CDHR3: variants seen among roughly 807,000 people sequenced by gnomAD.
The protein encoded by CDHR3 is cadherin related family member 3.
Under a neutral mutation model 86.6 loss-of-function variants are expected in CDHR3, and 79 were observed. The observed-to-expected ratio is 0.91, with a 90% CI of 0.76 to 1.10. The LOEUF (loss-of-function observed/expected upper bound fraction) is 1.10, where lower values mean the gene tolerates loss of function less well. Among genes scored for constraint, CDHR3 ranks in the 50% least tolerant of loss-of-function variants. The pLI is 0.00. For synonymous variants in CDHR3, 421 were observed against 402.4 expected, an observed-to-expected ratio of 1.05 and a Z score of -0.55; for missense variants, 1,081 against 1,077.6, an observed-to-expected ratio of 1.00 and a Z score of -0.04.
At chr7:105,995,092 A>C (rs1305309622) in intron 5 of CDHR3, among the ~76,000 whole-genome samples, 9 of 152,228 alleles carry the variant, frequency 5.9e-5, no homozygotes, top group African/African-American at 1.9e-4. Context: ...CAAGTACAAG[A>C]GTGTCATGAG....
chr7:106,007,765 CTG>C (rs927490792), intron 8 of CDHR3, among the ~76,000 whole-genome samples: 2 of 152,208 alleles, frequency 1.3e-5, no homozygotes, highest in African/African-American at 4.8e-5. Flanking sequence ...GCCCACCAAA[CTG>C]TTCCAACCCC....
intron 16 of CDHR3, among the ~76,000 whole-genome samples, chr7:106,028,238 ATCTT>A (rs1250973701): frequency 1.3e-5 from 2 of 152,180 alleles, no homozygotes; most frequent in Non-Finnish European, 2.9e-5. Context: ...ATCCAATCCC[ATCTT>A]TCTTTCTTAT....
intron 4 of CDHR3, among the ~76,000 whole-genome samples, chr7:105,986,122 G>GC (rs1830488148): frequency 6.6e-6 from 1 of 152,110 alleles, no homozygotes; most frequent in Non-Finnish European, 1.5e-5. Context: ...GAGCAGGCAG[G>GC]CCCAATCTGT....
chr7:106,031,990 G>A (rs1331129228), intron 18 of CDHR3, among the ~76,000 whole-genome samples: 1 of 152,116 alleles, frequency 6.6e-6, no homozygotes, highest in Non-Finnish European at 1.5e-5. Context: ...CCTTTTTATA[G>A]CAGGAATTCA....
Position 106,018,100 on chromosome 7 carries a change from G to C in CDHR3, c.1653+28G>C, listed in dbSNP as rs373882400. The C allele has an allele frequency of 2.5e-6, 4 of 1,589,542 alleles. No individual in the cohort carries two copies. The African/African-American group carries it at 5.4e-5, about 21-fold the overall frequency. ...GAGTGGTGCTGCTTGGTATAGTGCC[G>C]GTAACCCAACTGGTTGACTTAGGGT... On this transcript the variant is annotated intron_variant, in intron 12 of 18. Coordinates refer to ENST00000317716, the MANE Select transcript of CDHR3 (RefSeq NM_152750.5).
chr7:106,020,271 T>G, intron 12 of CDHR3, 102 bp from the exon 13 acceptor site: 2 of 969,434 alleles, frequency 2.1e-6, no homozygotes, highest in Non-Finnish European at 3.0e-6. Context: ...TGAGTTTAAA[T>G]GAGCTAATTT....
At chr7:105,986,150 A>G (rs866077597) in intron 4 of CDHR3, among the ~76,000 whole-genome samples, 1 of 152,192 alleles carries the variant, frequency 6.6e-6, no homozygotes, top group African/African-American at 2.4e-5. Flanking sequence ...TTTATCAGGA[A>G]AACAAAAACT....
chr7:106,031,300 A>G (rs965965004), intron 18 of CDHR3, among the ~76,000 whole-genome samples: 3 of 152,106 alleles, frequency 2.0e-5, no homozygotes, highest in Admixed American at 6.5e-5. Context: ...TTTTTTCCCT[A>G]GATCAGGGCC....
At chr7:105,991,481 C>G (rs571039501) in intron 4 of CDHR3, among the ~76,000 whole-genome samples, 1 of 152,318 alleles carries the variant, frequency 6.6e-6, no homozygotes, top group Admixed American at 6.5e-5. Context: ...TTCTCCACAT[C>G]CTTTTTATCT....
intron 1 of CDHR3, among the ~76,000 whole-genome samples, chr7:105,966,517 A>G (rs1457622198): frequency 1.3e-5 from 2 of 152,252 alleles, no homozygotes; most frequent in Non-Finnish European, 2.9e-5. Context: ...CTTGGTAATT[A>G]AAATGTAAAT....
rs756285710 is a variant in CDHR3, at chr7:106,016,075, C to A, written c.1426+50C>A. 3 of 1,251,420 alleles carry A rather than the reference C, an allele frequency of 2.4e-6. No homozygotes were observed. The South Asian group carries it at 3.8e-5, about 16-fold the overall frequency. The allele number at this position is 1,251,420 out of a possible 1,614,324, so 77.5% of individuals were successfully genotyped here. A position where few individuals can be genotyped will look rare whatever the true frequency, so the allele number is the denominator to read the frequency against. On this transcript the variant is annotated intron_variant, in intron 11 of 18. Transcript: ENST00000317716. ...CAGAGTGCTGTCAATGGACTCCATC[C>A]AAACGTGTGTTCTGTGGAGTGGAAA...
At chr7:106,005,498 G>T (rs1340411321) in intron 8 of CDHR3, among the ~76,000 whole-genome samples, 1 of 152,206 alleles carries the variant, frequency 6.6e-6, no homozygotes, top group Admixed American at 6.5e-5. Context: ...GAGGAATTGG[G>T]GTTGTGGGGA....
At chr7:105,969,083 G>A (rs1413617005) in intron 1 of CDHR3, among the ~76,000 whole-genome samples, 9 of 120,486 alleles carry the variant, frequency 7.5e-5, no homozygotes, top group East Asian at 2.3e-4. Context: ...GCGAGACTCC[G>A]TCTCAAAATA....
chr7:106,021,756 G>C (rs1321573930), intron 13 of CDHR3, among the ~76,000 whole-genome samples: 2 of 152,260 alleles, frequency 1.3e-5, no homozygotes, highest in African/African-American at 4.8e-5. Context: ...AAAGCATGCA[G>C]TGAACTTGGC....
chr7:106,006,166 C>T (rs577792960), intron 8 of CDHR3, among the ~76,000 whole-genome samples: 23 of 151,650 alleles, frequency 1.5e-4, no homozygotes, highest in South Asian at 6.3e-4. Context: ...GTCACTATCA[C>T]GAGAACAACT....
chr7:106,017,669 A>G (rs968502100), intron 11 of CDHR3, among the ~76,000 whole-genome samples, 177 bp from the exon 12 acceptor site: 3 of 151,890 alleles, frequency 2.0e-5, no homozygotes, highest in African/African-American at 7.3e-5. Flanking sequence ...TCAGTTACCT[A>G]GCGGGTGTTG....
intron 11 of CDHR3, among the ~76,000 whole-genome samples, chr7:106,016,610 C>T (rs921400706): frequency 7.2e-5 from 11 of 152,250 alleles, no homozygotes; most frequent in African/African-American, 2.2e-4. Flanking sequence ...TATAAATGCT[C>T]TAGTGTAATA....
chr7:105,993,942 T>A (rs1831789812), intron 4 of CDHR3, among the ~76,000 whole-genome samples: 1 of 152,208 alleles, frequency 6.6e-6, no homozygotes, highest in Non-Finnish European at 1.5e-5. Flanking sequence ...AAGCCTATGA[T>A]GACAAAGACT....
rs1444655159 is a variant in CDHR3, at chr7:105,994,759, G to C, written c.522G>C (p.Leu174=). ...TSRNIPLSYF[L]ISPPKSFRMS... ...TTTCCCTTGTTTTTTAGTATTTCCT[G>C]ATTTCTCCCCCAAAGAGCTTCAGAA... Residue 174 remains leucine, a synonymous_variant, in exon 5 of 19, where the codon CTG becomes CTC. Coordinates refer to ENST00000317716, the MANE Select transcript of CDHR3 (RefSeq NM_152750.5). 1 of 1,610,352 alleles carries C rather than the reference G, an allele frequency of 6.2e-7. No homozygotes were observed. The highest frequency in any genetic ancestry group is 1.1e-5 in the South Asian group (1 of 90,104).
Sources: gnomAD v4.1 joint callset for allele counts (sites outside exome capture counted in the v4.1 genomes callset) on GRCh38, gnomAD v4.1.1 for gene constraint, MANE v1.5 for transcripts, NCBI Gene and HGNC (gene_info 2026-07-23, HGNC 2026-07-21) for gene names.